PRORP: variants seen among roughly 807,000 people sequenced by gnomAD.
PRORP encodes the protein protein only RNase P catalytic subunit.
Under a neutral mutation model 59.4 loss-of-function variants are expected in PRORP, and 51 were observed. The ratio of observed to expected loss-of-function variants is 0.86; its 90% CI spans 0.69 to 1.08. PRORP has a LOEUF of 1.08. Among genes scored for constraint, PRORP ranks in the 50% least tolerant of loss-of-function variants. The probability of loss-of-function intolerance (pLI) is 0.00; values close to 1 mark genes in which losing one functional copy is unlikely to be tolerated. For synonymous variants in PRORP, 231 were observed against 245.6 expected, an observed-to-expected ratio of 0.94 and a Z score of 0.55; for missense variants, 646 against 690.3, an observed-to-expected ratio of 0.94 and a Z score of 0.72.
At chr14:35,214,439 CT>C (rs1347255848) in intron 5 of PRORP, among the ~76,000 whole-genome samples, 2 of 152,180 alleles carry the variant, frequency 1.3e-5, no homozygotes, top group South Asian at 2.1e-4. Context: ...GATTTATATG[CT>C]TATCTTCTGT....
At chr14:35,237,651 C>T (rs2050255125) in intron 5 of PRORP, among the ~76,000 whole-genome samples, 1 of 151,920 alleles carries the variant, frequency 6.6e-6, no homozygotes, top group Non-Finnish European at 1.5e-5. Context: ...TGCCTTTTCA[C>T]CTTCTTAAAC....
intron 5 of PRORP, among the ~76,000 whole-genome samples, chr14:35,232,307 G>A (rs1055752140): frequency 4.0e-5 from 6 of 151,436 alleles, no homozygotes; most frequent in African/African-American, 1.5e-4. Context: ...CTGGCCTCAA[G>A]CAGTCCTCTC....
chr14:35,206,758 A>C (rs1447098635), intron 5 of PRORP, among the ~76,000 whole-genome samples: 1 of 152,130 alleles, frequency 6.6e-6, no homozygotes, highest in Non-Finnish European at 1.5e-5. Context: ...CTCCTTTCTA[A>C]GGTGGGAGTG....
chr14:35,214,979 A>G (rs968457209), intron 5 of PRORP, among the ~76,000 whole-genome samples: 4 of 152,156 alleles, frequency 2.6e-5, no homozygotes, highest in African/African-American at 9.7e-5. Context: ...GGATTGGGAA[A>G]GCATTTTTTT....
At chr14:35,241,322 G>A (rs757661912) in intron 5 of PRORP, among the ~76,000 whole-genome samples, 2 of 151,930 alleles carry the variant, frequency 1.3e-5, no homozygotes, top group African/African-American at 4.8e-5. Flanking sequence ...AGGTTGCAGT[G>A]AGCTGAGACC....
rs190262945 is a variant in PRORP, at chr14:35,197,161, T to C, written c.1275+16384T>C. On this transcript the variant is annotated intron_variant, in intron 5 of 7. Transcript: ENST00000534898. ...ATCCTAATAGCAAGTTGATTTCCCA[T>C]CACTGATGTGTCATTGATAATGTCT... Among the ~76,000 whole-genome samples, 621 of 152,260 alleles carry C rather than the reference T, an allele frequency of 4.1e-3. 7 individuals carry two copies. The highest frequency in any genetic ancestry group is 0.014 in the African/African-American group (582 of 41,538).
intron 4 of PRORP, 37 bp from the exon 5 acceptor site, chr14:35,180,633 G>A (rs2048580650): frequency 7.7e-7 from 1 of 1,297,874 alleles, no homozygotes. Context: ...TCCTTACTGA[G>A]TTCTTATTAA....
chr14:35,202,203 C>T (rs769905785), intron 5 of PRORP, among the ~76,000 whole-genome samples: 3 of 151,726 alleles, frequency 2.0e-5, no homozygotes, highest in Non-Finnish European at 4.4e-5. Context: ...GTGATCCGCT[C>T]GCCTCAGCCT....
At chr14:35,128,200 T>C (rs2047145135) in intron 4 of PRORP, among the ~76,000 whole-genome samples, 1 of 152,222 alleles carries the variant, frequency 6.6e-6, no homozygotes, top group South Asian at 2.1e-4. Flanking sequence ...TTTAATGTAT[T>C]GTTGAATTTG....
chr14:35,270,897 C>CA (rs1208753505), intron 7 of PRORP, among the ~76,000 whole-genome samples: 1 of 151,586 alleles, frequency 6.6e-6, no homozygotes, highest in African/African-American at 2.4e-5. Context: ...TCCTGGCTAA[C>CA]ACGGTGAAAC....
intron 2 of PRORP, 38 bp downstream of exon 2, chr14:35,124,269 TA>T (rs748227517): frequency 7.2e-7 from 1 of 1,383,652 alleles, no homozygotes; most frequent in South Asian, 1.5e-5. Flanking sequence ...TTTTATTCTT[TA>T]ATTTTTTTTT....
At chr14:35,196,999 C>T (rs1023857992) in intron 5 of PRORP, among the ~76,000 whole-genome samples, 1 of 152,154 alleles carries the variant, frequency 6.6e-6, no homozygotes, top group Non-Finnish European at 1.5e-5. Context: ...TTTCAAATGT[C>T]CCAGAAAGGA....
chr14:35,147,935 A>C (rs1277308885), intron 4 of PRORP, among the ~76,000 whole-genome samples: 1 of 152,236 alleles, frequency 6.6e-6, no homozygotes, highest in African/African-American at 2.4e-5. Context: ...TTCCTAATCC[A>C]AGTTTTATTT....
intron 4 of PRORP, among the ~76,000 whole-genome samples, chr14:35,132,156 C>T (rs923970913): frequency 2.0e-5 from 3 of 151,428 alleles, no homozygotes; most frequent in Non-Finnish European, 4.4e-5. Flanking sequence ...TTTCTTTATC[C>T]GTTGAAGGTT....
intron 5 of PRORP, among the ~76,000 whole-genome samples, chr14:35,257,333 CTG>C (rs2050787104): frequency 6.6e-6 from 1 of 152,208 alleles, no homozygotes; most frequent in African/African-American, 2.4e-5. Context: ...AACTGAAACT[CTG>C]TATCCGTTAA....
Position 35,273,617 on chromosome 14 carries a change from A to C in PRORP, c.*51A>C. On this transcript the variant is annotated 3_prime_UTR_variant, in exon 8 of 8. Coordinates refer to ENST00000534898, the MANE Select transcript of PRORP (RefSeq NM_014672.4). ...GTGTTTGGGTACCCTCTAGGTTGGC[A>C]TCAGAGGCTCTTGAGCTGGTGTTTG... The C allele has an allele frequency of 6.4e-7, 1 of 1,566,494 alleles. No homozygotes were observed. Among genetic ancestry groups the C allele is most frequent in the East Asian group, 2.3e-5 (1 of 43,470 alleles).
intron 5 of PRORP, among the ~76,000 whole-genome samples, chr14:35,203,634 G>A (rs1449272960): frequency 5.9e-5 from 9 of 152,206 alleles, no homozygotes; most frequent in Admixed American, 2.0e-4. Context: ...GGAGGCCGAG[G>A]CGGGCGGATC....
intron 5 of PRORP, among the ~76,000 whole-genome samples, chr14:35,200,482 G>C (rs748385165): frequency 6.6e-6 from 1 of 151,992 alleles, no homozygotes; most frequent in Non-Finnish European, 1.5e-5. Flanking sequence ...GAGCCACCGC[G>C]CCCGGCCTAA....
intron 4 of PRORP, among the ~76,000 whole-genome samples, chr14:35,143,830 T>C (rs2047540937): frequency 6.9e-6 from 1 of 145,064 alleles, no homozygotes; most frequent in African/African-American, 2.4e-5. Flanking sequence ...GTATTTTTAG[T>C]AGAGATGGGG....
Sources: gnomAD v4.1 joint callset for allele counts (sites outside exome capture counted in the v4.1 genomes callset) on GRCh38, gnomAD v4.1.1 for gene constraint, MANE v1.5 for transcripts, NCBI Gene and HGNC (gene_info 2026-07-23, HGNC 2026-07-21) for gene names.